The following ATP10B variants were observed in gnomAD, a reference collection of about 807,000 sequenced individuals.
ATP10B encodes phospholipid-transporting ATPase VB.
In ATP10B, 122 loss-of-function variants were observed where a neutral mutation model predicts 141.2. That is an observed-to-expected ratio of 0.86 (90% CI 0.75 to 1.00). The LOEUF (loss-of-function observed/expected upper bound fraction) is 1.00, where lower values mean the gene tolerates loss of function less well. ATP10B is among the 50% of genes least tolerant of loss of function. ATP10B has a pLI of 0.00. For synonymous variants in ATP10B, 685 were observed against 692.0 expected (o/e 0.99, Z 0.16); for missense variants, 1,876 against 1,825.3 (o/e 1.03, Z -0.51).
At chr5:160,569,938 T>C (rs1024217767) in intron 24 of ATP10B, among the ~76,000 whole-genome samples, 8 of 152,320 alleles carry the variant, frequency 5.3e-5, no homozygotes, top group African/African-American at 1.7e-4. Flanking sequence ...TGCTATCCTT[T>C]GTAGGTTTAC....
chr5:160,618,440 T>C (rs1266676002), intron 15 of ATP10B, among the ~76,000 whole-genome samples: 1 of 152,208 alleles, frequency 6.6e-6, no homozygotes, highest in Non-Finnish European at 1.5e-5. Context: ...CTCTATCTTC[T>C]ACTTGAGGTC....
chr5:160,692,002 T>C (rs953265216), intron 3 of ATP10B, among the ~76,000 whole-genome samples: 8 of 152,234 alleles, frequency 5.3e-5, no homozygotes, highest in Non-Finnish European at 8.8e-5. Flanking sequence ...TGAATAGCAT[T>C]GAAAATGCAA....
chr5:160,719,196 C>A (rs536088472), intron 2 of ATP10B, among the ~76,000 whole-genome samples: 4 of 152,072 alleles, frequency 2.6e-5, no homozygotes, highest in African/African-American at 9.7e-5. Context: ...GTCAGGAGAT[C>A]GAGACCATCC....
chr5:160,686,412 T>A, intron 5 of ATP10B, 139 bp from the exon 6 acceptor site: 1 of 605,802 alleles, frequency 1.7e-6, no homozygotes. Context: ...GTAATGGATT[T>A]GAAGCCAAAC....
chr5:160,620,682 C>T lies in ATP10B; in HGVS notation c.2081G>A (p.Gly694Glu), dbSNP rs765246796. ...MWDQGDILES[G>E]SGTSLEEALE... ...TGCCTCCTCCAAGGAAGTGCCTGACCCAGACTCCAGGATGTCGCCCTGGTC... is the reference window on the plus strand; with the variant it reads ...TGCCTCCTCCAAGGAAGTGCCTGACTCAGACTCCAGGATGTCGCCCTGGTC... The change falls in exon 15 of 26, where the codon GGG (glycine) becomes GAG (glutamate). Residue 694 changes from glycine to glutamate, a missense_variant. Physicochemically the swap from Gly to Glu is moderately conservative, Grantham distance 98. Transcript: ENST00000327245. 1.2e-6 allele frequency: 2 copies of T among 1,613,910 alleles called. No individual in the cohort carries two copies. The highest frequency in any genetic ancestry group is 1.7e-6 in the Non-Finnish European group (2 of 1,179,842).
At chr5:160,882,545 T>C in the ATP10B span, among the ~76,000 whole-genome samples, 67 of 152,242 alleles carry the variant, frequency 4.4e-4, no homozygotes, top group Non-Finnish European at 6.3e-4. Flanking sequence ...GCCTCCCAAA[T>C]TGCTGAGATA....
the ATP10B span, among the ~76,000 whole-genome samples, chr5:160,863,242 C>T: frequency 1.5e-4 from 23 of 151,930 alleles, 1 homozygote; most frequent in Middle Eastern, 6.8e-3. Context: ...CTGGTAACAG[C>T]CTGTTAATTG....
intron 1 of ATP10B, among the ~76,000 whole-genome samples, chr5:160,838,837 A>C (rs1775635903): frequency 6.6e-6 from 1 of 152,138 alleles, no homozygotes; most frequent in South Asian, 2.1e-4. Context: ...GACCTGGTGG[A>C]AGGTGATTGG....
chr5:160,823,024 A>ATG (rs1774288512), intron 1 of ATP10B, among the ~76,000 whole-genome samples: 1 of 130,476 alleles, frequency 7.7e-6, no homozygotes, highest in African/African-American at 2.8e-5. Flanking sequence ...ATATATATAT[A>ATG]TATATATATA....
At chr5:160,599,477 A>G (rs1581178977) in intron 21 of ATP10B, among the ~76,000 whole-genome samples, 1 of 152,202 alleles carries the variant, frequency 6.6e-6, no homozygotes, top group Non-Finnish European at 1.5e-5. Flanking sequence ...ATCTTTCTGA[A>G]TAGCATTTTA....
intron 2 of ATP10B, among the ~76,000 whole-genome samples, chr5:160,744,862 C>T (rs1375879824): frequency 6.6e-6 from 1 of 152,206 alleles, no homozygotes; most frequent in Admixed American, 6.5e-5. Flanking sequence ...GACACGAATT[C>T]TGCTGTCAGC....
At chr5:160,826,304 G>T (rs1774596386) in intron 1 of ATP10B, among the ~76,000 whole-genome samples, 1 of 152,072 alleles carries the variant, frequency 6.6e-6, no homozygotes, top group African/African-American at 2.4e-5. Context: ...TTTTGTTGCG[G>T]GAAGTCAGGG....
At chr5:160,809,998 T>C (rs1440016519) in intron 1 of ATP10B, among the ~76,000 whole-genome samples, 1 of 152,222 alleles carries the variant, frequency 6.6e-6, no homozygotes, top group Admixed American at 6.5e-5. Flanking sequence ...CCTAAAGCTT[T>C]CAAAATTGTT....
At chr5:160,794,996 C>T (rs1001351027) in intron 1 of ATP10B, among the ~76,000 whole-genome samples, 5 of 152,118 alleles carry the variant, frequency 3.3e-5, no homozygotes, top group Non-Finnish European at 4.4e-5. Context: ...ATGCACACTG[C>T]CTGGCAGAGT....
At chr5:160,884,686 T>A in the ATP10B span, among the ~76,000 whole-genome samples, 1 of 152,148 alleles carries the variant, frequency 6.6e-6, no homozygotes, top group Non-Finnish European at 1.5e-5. Context: ...ATATAAGTAT[T>A]CCATTTATGG....
chr5:160,854,810 C>T (rs1753957835), upstream of ATP10B, among the ~76,000 whole-genome samples: 1 of 152,110 alleles, frequency 6.6e-6, no homozygotes, highest in African/African-American at 2.4e-5. Context: ...GTACTTTGTG[C>T]CAGCACCATG....
chr5:160,592,298 T>C (rs1312482854), intron 22 of ATP10B, among the ~76,000 whole-genome samples: 1 of 152,166 alleles, frequency 6.6e-6, no homozygotes, highest in Middle Eastern at 3.2e-3. Context: ...AAACTGGGCT[T>C]TGGGGGTTCT....
chr5:160,867,238 CT>C, the ATP10B span, among the ~76,000 whole-genome samples: 1 of 151,602 alleles, frequency 6.6e-6, no homozygotes, highest in Non-Finnish European at 1.5e-5. Context: ...ATCTACAGAG[CT>C]TAAAAATGGT....
intron 3 of ATP10B, among the ~76,000 whole-genome samples, chr5:160,703,143 G>A (rs1224623712): frequency 6.6e-6 from 1 of 152,018 alleles, no homozygotes; most frequent in East Asian, 1.9e-4. Context: ...TATTAGAGAT[G>A]AATCTGATTG....
Sources: allele counts gnomAD v4.1 joint callset (sites outside exome capture counted in the v4.1 genomes callset), GRCh38; gene constraint gnomAD v4.1.1; transcripts MANE v1.5; gene names NCBI Gene and HGNC (gene_info 2026-07-23, HGNC 2026-07-21).